The following APBB2 variants were observed in gnomAD, a reference collection of about 807,000 sequenced individuals.
APBB2 encodes amyloid beta precursor protein binding family B member 2, also known as Fe65-like 1.
APBB2 carries 38 observed loss-of-function variants against 82.5 expected under a neutral mutation model. That is an observed-to-expected ratio of 0.46 (90% confidence interval 0.36 to 0.60). APBB2 has a LOEUF of 0.60. Ranked by LOEUF, APBB2 falls within the 20% of genes least tolerant of loss-of-function variation. The pLI is 0.00. For synonymous variants in APBB2, 341 were observed against 368.2 expected (o/e 0.93, Z 0.85); for missense variants, 772 against 972.3 (o/e 0.79, Z 2.74).
chr4:41,005,343 C>T (rs1273173742), intron 6 of APBB2, among the ~76,000 whole-genome samples: 1 of 152,130 alleles, frequency 6.6e-6, no homozygotes, highest in Non-Finnish European at 1.5e-5. Context: ...CTGCCTTGGT[C>T]TCCCAAAGTG....
At chr4:41,033,347 C>T in intron 4 of APBB2, 43 bp from the exon 5 acceptor site, 1 of 1,264,380 alleles carries the variant, frequency 7.9e-7, no homozygotes, top group Non-Finnish European at 1.1e-6. Context: ...CTCCAAATAA[C>T]AAAGCATAAA....
At chr4:40,872,279 T>C (rs928274974) in intron 12 of APBB2, among the ~76,000 whole-genome samples, 3 of 152,194 alleles carry the variant, frequency 2.0e-5, no homozygotes, top group Admixed American at 6.5e-5. Context: ...GCAGAAAGAA[T>C]TGTTATAAGC....
intron 1 of APBB2, among the ~76,000 whole-genome samples, chr4:41,213,073 A>C (rs759630209): frequency 2.1e-5 from 3 of 145,914 alleles, no homozygotes; most frequent in Non-Finnish European, 4.6e-5. Flanking sequence ...TTAAATCTGA[A>C]ACCATGACAA....
At chr4:41,048,076 T>C (rs1192967488) in intron 4 of APBB2, among the ~76,000 whole-genome samples, 1 of 152,258 alleles carries the variant, frequency 6.6e-6, no homozygotes, top group Non-Finnish European at 1.5e-5. Context: ...ATATTATACA[T>C]ATGAGCCAAT....
chr4:41,192,832 A>G (rs79886412), intron 1 of APBB2, among the ~76,000 whole-genome samples: 2,661 of 152,306 alleles, frequency 0.017, 76 homozygotes, highest in African/African-American at 0.061. Flanking sequence ...TTGGTTCACT[A>G]TAGTAATGAT....
chr4:40,906,518 A>T (rs1441304614), intron 10 of APBB2, among the ~76,000 whole-genome samples: 1 of 151,856 alleles, frequency 6.6e-6, no homozygotes, highest in Non-Finnish European at 1.5e-5. Flanking sequence ...AAAGAAAACA[A>T]AAATTCCCAC....
intron 3 of APBB2, among the ~76,000 whole-genome samples, chr4:41,082,455 AGAAT>A (rs1169742924): frequency 1.3e-5 from 2 of 152,240 alleles, no homozygotes; most frequent in Non-Finnish European, 2.9e-5. Context: ...GCTGAGTGAA[AGAAT>A]GAATGAACAG....
At chr4:40,963,501 G>T (rs1319685538) in intron 6 of APBB2, among the ~76,000 whole-genome samples, 1 of 152,190 alleles carries the variant, frequency 6.6e-6, no homozygotes, top group Non-Finnish European at 1.5e-5. Flanking sequence ...TCCTGCTTTG[G>T]CCTCCCAAAG....
chr4:41,109,242 C>T (rs960330307), intron 2 of APBB2, among the ~76,000 whole-genome samples: 9 of 151,428 alleles, frequency 5.9e-5, no homozygotes, highest in Non-Finnish European at 8.8e-5. Context: ...CCAGCCTAGG[C>T]GACAGGGCAA....
intron 10 of APBB2, among the ~76,000 whole-genome samples, chr4:40,900,749 G>A: frequency 6.7e-6 from 1 of 149,194 alleles, no homozygotes; most frequent in East Asian, 1.9e-4. Context: ...GAGTCACTGA[G>A]CCCGGGCTTT....
chr4:40,837,529 T>C (rs951072360), intron 12 of APBB2, among the ~76,000 whole-genome samples: 1 of 152,220 alleles, frequency 6.6e-6, no homozygotes, highest in Admixed American at 6.5e-5. Context: ...TCCCAGTTTT[T>C]CCAACAGCTT....
In APBB2 at chr4:40,999,380, C is replaced by A. The variant is rs535649474; in HGVS notation, c.835+14203G>T. On this transcript the variant is annotated intron_variant, in intron 6 of 17. Transcript: ENST00000508593. ...ACCATTTGAGCCCAGTAGGTTGAGG[C>A]TGCAGTGAGCTGTGACTGCACCACT... Among the ~76,000 whole-genome samples, 121 of 152,302 alleles carry A rather than the reference C, an allele frequency of 7.9e-4. 1 individual carries two copies. The highest frequency in any genetic ancestry group is 1.1e-3 in the Non-Finnish European group (73 of 68,024).
At position 40,810,069 on chromosome 4, in the gene APBB2, T is replaced by C. The variant is rs1744119687; in HGVS notation, c.*6023A>G. ...GTTTTATTTTTGCAATTCAGTTGTATAGAAATGTTACATAAATTCCTAAAT... is the reference window on the plus strand; with the variant it reads ...GTTTTATTTTTGCAATTCAGTTGTACAGAAATGTTACATAAATTCCTAAAT... On this transcript the variant is annotated 3_prime_UTR_variant, in exon 18 of 18. Coordinates refer to ENST00000508593, the MANE Select transcript of APBB2 (RefSeq NM_004307.2). 6.6e-6 allele frequency: 1 copy of C among 152,218 alleles called. No individual in the cohort carries two copies. The allele number at this position is 152,218 out of a possible 1,614,324, so 9.4% of individuals were successfully genotyped here.
intron 12 of APBB2, among the ~76,000 whole-genome samples, chr4:40,887,687 T>C (rs1770717728): frequency 6.6e-6 from 1 of 152,072 alleles, no homozygotes; most frequent in Non-Finnish European, 1.5e-5. Flanking sequence ...AATTTACCGT[T>C]TCCATGCCAA....
intron 12 of APBB2, among the ~76,000 whole-genome samples, chr4:40,885,939 T>G (rs1308165077): frequency 6.6e-6 from 1 of 152,198 alleles, no homozygotes; most frequent in Non-Finnish European, 1.5e-5. Context: ...GAATCTTTTT[T>G]TTTTTCTCAA....
intron 1 of APBB2, among the ~76,000 whole-genome samples, chr4:41,189,752 G>A (rs969286695): frequency 1.3e-5 from 2 of 152,182 alleles, no homozygotes; most frequent in Non-Finnish European, 2.9e-5. Context: ...TCCTTACATA[G>A]TAAGTCATTT....
intron 12 of APBB2, among the ~76,000 whole-genome samples, chr4:40,831,629 CAT>C (rs535754812): frequency 1.3e-5 from 2 of 152,264 alleles, no homozygotes; most frequent in African/African-American, 2.4e-5. Context: ...GATGTATAAA[CAT>C]GTGCACAAAC....
At chr4:41,093,779 G>A (rs769471763) in intron 3 of APBB2, among the ~76,000 whole-genome samples, 1 of 152,090 alleles carries the variant, frequency 6.6e-6, no homozygotes. Flanking sequence ...GCTTGAATCT[G>A]GGAGGTGGAG....
At chr4:40,901,909 ATGTGTGTGTGTGTGTG>A (rs35766512) in intron 10 of APBB2, among the ~76,000 whole-genome samples, 5 of 145,542 alleles carry the variant, frequency 3.4e-5, no homozygotes, top group South Asian at 2.2e-4. Flanking sequence ...ATCCAAAATT[ATGTGTGTGTGTGTGTG>A]TGTGTGTGTG....
Sources: allele counts gnomAD v4.1 joint callset (sites outside exome capture counted in the v4.1 genomes callset), GRCh38; gene constraint gnomAD v4.1.1; transcripts MANE v1.5; gene names NCBI Gene and HGNC (gene_info 2026-07-23, HGNC 2026-07-21).